F11R: variants seen among roughly 807,000 people sequenced by gnomAD.
F11R encodes the protein junctional adhesion molecule A.
Under a neutral mutation model 39.3 loss-of-function variants are expected in F11R, and 27 were observed. That is an observed-to-expected ratio of 0.69 (90% confidence interval 0.51 to 0.95). F11R has a LOEUF of 0.95. F11R is among the 40% of genes least tolerant of loss of function. F11R has a pLI of 0.00. For synonymous variants in F11R, 131 were observed against 144.9 expected (o/e 0.90, Z 0.69); for missense variants, 335 against 372.7 (o/e 0.90, Z 0.83).
At position 160,998,322 on chromosome 1, in the gene F11R, G is replaced by A; in HGVS notation, c.*549C>T. ...TTGTATTCAGGAGGACAGGGCAGAG[G>A]GATCCCAGTGGCACTTCCCATGGGA... is the stretch of plus-strand genomic sequence containing the variant. On this transcript the variant is annotated 3_prime_UTR_variant, in exon 10 of 10. Coordinates refer to ENST00000368026, the MANE Select transcript of F11R (RefSeq NM_016946.6). The A allele has an allele frequency of 6.1e-6, 1 of 164,330 alleles. No individual in the cohort carries two copies. The highest frequency in any genetic ancestry group is 1.3e-5 in the Non-Finnish European group (1 of 75,034). The allele number at this position is 164,330 out of a possible 1,614,324, so 10.2% of individuals were successfully genotyped here.
At chr1:161,006,706 T>G (rs1479302371) in intron 1 of F11R, among the ~76,000 whole-genome samples, 1 of 152,210 alleles carries the variant, frequency 6.6e-6, no homozygotes, top group Non-Finnish European at 1.5e-5. Flanking sequence ...GACCTGACTG[T>G]GCCAATACTC....
chr1:161,020,862 G>T, intron 1 of F11R, 148 bp downstream of exon 1: 1 of 747,174 alleles, frequency 1.3e-6, no homozygotes. Flanking sequence ...GTGAAAGAGG[G>T]ACCAGCCAGG....
rs144532932 is a variant in F11R at position 161,000,703 on chromosome 1, T to C, written c.316A>G (p.Thr106Ala). ...TCCTCAGAGACCATACAAGTGTATG[T>C]CCCAGTGTCTTCCCGTGTCACGGAC... Reference protein sequence around the residue: ...FKSVTREDTGTYTCMVSEEGG... With the variant: ...FKSVTREDTGAYTCMVSEEGG... The change falls in exon 4 of 10, where the codon ACA becomes GCA. Residue 106 changes from threonine (T) to alanine (A), a missense_variant. Coordinates refer to ENST00000368026, the MANE Select transcript of F11R (RefSeq NM_016946.6). 77 of 1,614,116 alleles carry C rather than the reference T, an allele frequency of 4.8e-5. No homozygotes were observed. The Middle Eastern group carries it at 3.1e-3, about 66-fold the overall frequency.
intron 1 of F11R, among the ~76,000 whole-genome samples, chr1:161,009,003 C>T (rs1648979095): frequency 6.6e-6 from 1 of 152,164 alleles, no homozygotes; most frequent in Admixed American, 6.6e-5. Flanking sequence ...TTATCATCTT[C>T]ATCACCCACT....
intron 1 of F11R, among the ~76,000 whole-genome samples, chr1:161,017,799 C>G (rs1649546894): frequency 6.6e-6 from 1 of 152,210 alleles, no homozygotes; most frequent in African/African-American, 2.4e-5. Context: ...GCAACCCACA[C>G]CTTCACACCA....
At chr1:161,018,541 C>A (rs1447881608) in intron 1 of F11R, among the ~76,000 whole-genome samples, 1 of 152,196 alleles carries the variant, frequency 6.6e-6, no homozygotes, top group Non-Finnish European at 1.5e-5. Context: ...AAAATAATCC[C>A]TTCATGTATA....
At chr1:161,007,952 T>C (rs931428024) in intron 1 of F11R, among the ~76,000 whole-genome samples, 2 of 152,148 alleles carry the variant, frequency 1.3e-5, no homozygotes, top group African/African-American at 4.8e-5. Context: ...TCCATCCTCC[T>C]CATCTATTTC....
chr1:161,005,167 AAATAATAATAATAAT>A (rs71090350), intron 1 of F11R, among the ~76,000 whole-genome samples: 2 of 145,144 alleles, frequency 1.4e-5, no homozygotes, highest in Non-Finnish European at 3.0e-5. Flanking sequence ...CTCAAAAATA[AAATAATAATAATAAT>A]AATAATAATA....
chr1:161,007,333 T>C (rs898578481), intron 1 of F11R, among the ~76,000 whole-genome samples: 16 of 147,794 alleles, frequency 1.1e-4, no homozygotes, highest in African/African-American at 3.8e-4. Context: ...GGCGTGGTGG[T>C]GCATGCCTGT....
chr1:161,009,828 A>T (rs1649029733), intron 1 of F11R, among the ~76,000 whole-genome samples: 1 of 152,106 alleles, frequency 6.6e-6, no homozygotes, highest in Non-Finnish European at 1.5e-5. Flanking sequence ...GCATACCTGT[A>T]GTCCCAGCTA....
In F11R at chr1:161,007,163, G is replaced by A. The variant is rs538227372; in HGVS notation, c.65-5810C>T. ...TCCAGCCTGGGCAACAAGAAACTCC[G>A]TCTCAAAAAAAAAAAAAAAATGCTG... is the stretch of plus-strand genomic sequence containing the variant. On this transcript the variant is annotated intron_variant, in intron 1 of 9. Transcript: ENST00000368026. Among the ~76,000 whole-genome samples, 22 of 98,978 alleles carry A rather than the reference G, an allele frequency of 2.2e-4. No homozygotes were observed. The South Asian group carries it at 3.8e-3, about 17-fold the overall frequency. 64.9% of individuals were successfully genotyped at this position (98,978 alleles called of 152,430 possible). A position where few individuals can be genotyped will look rare whatever the true frequency, so the allele number is the denominator to read the frequency against.
chr1:161,006,157 C>G (rs1266204925), intron 1 of F11R, among the ~76,000 whole-genome samples: 2 of 151,362 alleles, frequency 1.3e-5, no homozygotes, highest in African/African-American at 4.9e-5. Flanking sequence ...AGGGGGGGGG[C>G]ACTTCTGTTC....
Position 160,995,972 on chromosome 1 carries a change from T to C in F11R, c.*2899A>G, listed in dbSNP as rs1002613927. ...AAAATCCATGGAACTGCTCTCATTT[T>C]TTATCCCCTAAATGTCACTTTAACA... On this transcript the variant is annotated 3_prime_UTR_variant, in exon 10 of 10. Transcript: ENST00000368026. The C allele has an allele frequency of 4.6e-5, 7 of 152,366 alleles. No homozygotes were observed. Among genetic ancestry groups the C allele is most frequent in the African/African-American group, 9.6e-5 (4 of 41,468 alleles). The allele number at this position is 152,366 out of a possible 1,614,324, so 9.4% of individuals were successfully genotyped here.
chr1:161,006,634 C>T (rs2247479), intron 1 of F11R, among the ~76,000 whole-genome samples: 6,135 of 152,232 alleles, frequency 0.04, 421 homozygotes, highest in African/African-American at 0.14. Context: ...TTCAAATACA[C>T]GAACCTCCGC....
In F11R at chr1:161,000,765, T is replaced by A; in HGVS notation, c.254A>T (p.Asp85Val). ...ACCAGTTGGCAAGAAGGTCACCCGG[T>A]CCTCATAGGAAGCTACCACAAGAGG... ...YNNKITASYE[D>V]RVTFLPTGIT... is the part of the protein sequence containing the mutation. The change falls in exon 4 of 10, where the codon GAC becomes GTC. Residue 85 changes from aspartate (D) to valine (V), a missense_variant. By Grantham distance (152) the Asp-to-Val change is radical. Transcript: ENST00000368026. 6.2e-7 allele frequency: 1 copy of A among 1,613,994 alleles called. No individual in the cohort carries two copies. The highest frequency in any genetic ancestry group is 8.5e-7 in the Non-Finnish European group (1 of 1,180,000).
At chr1:161,001,167 A>G (rs568042298) in intron 2 of F11R, 40 bp from the exon 3 acceptor site, 27 of 1,605,046 alleles carry the variant, frequency 1.7e-5, no homozygotes, top group Admixed American at 6.7e-5. Flanking sequence ...AAGAAGCAGC[A>G]GCAAATACAC....
chr1:161,007,846 C>T lies in F11R; in HGVS notation c.65-6493G>A, dbSNP rs532169356. ...TGTCATTGCAGCTGCCTTGGGAAGG[C>T]GGCCCCTTCTCTAGAACCTTCACAG... is the stretch of plus-strand genomic sequence containing the variant. On this transcript the variant is annotated intron_variant, in intron 1 of 9. Coordinates refer to ENST00000368026, the MANE Select transcript of F11R (RefSeq NM_016946.6). Among the ~76,000 whole-genome samples, 4 of 152,102 alleles carry T rather than the reference C, an allele frequency of 2.6e-5. No homozygotes were observed. In the East Asian group the frequency reaches 5.8e-4, roughly 22 times the overall value.
chr1:161,020,881 A>C, intron 1 of F11R, 129 bp downstream of exon 1: 1 of 828,280 alleles, frequency 1.2e-6, no homozygotes, highest in Non-Finnish European at 2.1e-6. Flanking sequence ...GGGGTGGAAA[A>C]GATAATTCGC....
Position 161,000,088 on chromosome 1 carries a change from C to T in F11R, c.591+58G>A, listed in dbSNP as rs544121920. On this transcript the variant is annotated intron_variant, in intron 5 of 9. Coordinates refer to ENST00000368026, the MANE Select transcript of F11R (RefSeq NM_016946.6). ...CCCTGTTGCCTGTTCTTCCTCCCAC[C>T]TTTTGGGGTTCTATAACTGCATCCC... is the stretch of plus-strand genomic sequence containing the variant. 3.1e-6 allele frequency: 5 copies of T among 1,604,736 alleles called. No homozygotes were observed. In the Admixed American group the frequency reaches 6.7e-5, roughly 21 times the overall value.
Sources: gnomAD v4.1 joint callset for allele counts (sites outside exome capture counted in the v4.1 genomes callset) on GRCh38, gnomAD v4.1.1 for gene constraint, MANE v1.5 for transcripts, NCBI Gene and HGNC (gene_info 2026-07-23, HGNC 2026-07-21) for gene names.